Variants in UGT8 observed in about 807,000 individuals in gnomAD.
UGT8 encodes 2-hydroxyacylsphingosine 1-beta-galactosyltransferase.
In UGT8, 12 loss-of-function variants were observed where a neutral mutation model predicts 40.5. The ratio of observed to expected loss-of-function variants is 0.30; its 90% CI spans 0.19 to 0.48. The LOEUF (loss-of-function observed/expected upper bound fraction) is 0.48, where lower values mean the gene tolerates loss of function less well. Ranked by LOEUF, UGT8 falls within the 20% of genes least tolerant of loss-of-function variation. The probability of loss-of-function intolerance (pLI) is 0.99; values close to 1 mark genes in which losing one functional copy is unlikely to be tolerated. For missense variants in UGT8, 513 were observed against 648.7 expected, an observed-to-expected ratio of 0.79 and a Z score of 2.27; for synonymous variants, 224 against 240.4, an observed-to-expected ratio of 0.93 and a Z score of 0.63.
intron 2 of UGT8, among the ~76,000 whole-genome samples, chr4:114,632,987 G>C (rs1277843365): frequency 6.6e-6 from 1 of 152,120 alleles, no homozygotes; most frequent in African/African-American, 2.4e-5. Flanking sequence ...TAAATTCCTT[G>C]ACTACCATTT....
At position 114,650,484 on chromosome 4, in the gene UGT8, A is replaced by C. The variant is rs1305298165; in HGVS notation, c.823-13511A>C. Among the ~76,000 whole-genome samples, 3 of 152,176 alleles carry C rather than the reference A, an allele frequency of 2.0e-5. No individual in the cohort carries two copies. In the East Asian group the frequency reaches 5.8e-4, roughly 29 times the overall value. On this transcript the variant is annotated intron_variant, in intron 2 of 5. Coordinates refer to ENST00000310836, the MANE Select transcript of UGT8 (RefSeq NM_001128174.3). Reference sequence around the variant, plus strand: ...GGTGTGAGCTATTTTTTAAAGCCTCATATCTTTTGAAGCAGTCTATTACTG... The same window carrying C: ...GGTGTGAGCTATTTTTTAAAGCCTCCTATCTTTTGAAGCAGTCTATTACTG...
chr4:114,626,740 G>A (rs1407360032), intron 2 of UGT8, among the ~76,000 whole-genome samples: 1 of 152,102 alleles, frequency 6.6e-6, no homozygotes, highest in Non-Finnish European at 1.5e-5. Context: ...GTTTTTTCAA[G>A]GTGATTGCAT....
intron 2 of UGT8, among the ~76,000 whole-genome samples, chr4:114,659,087 C>T (rs1479806542): frequency 6.6e-6 from 1 of 152,148 alleles, no homozygotes; most frequent in Non-Finnish European, 1.5e-5. Flanking sequence ...TATATAATTA[C>T]TCTAGGATAA....
intron 1 of UGT8, among the ~76,000 whole-genome samples, chr4:114,601,484 G>A (rs1242903044): frequency 6.6e-6 from 1 of 151,798 alleles, no homozygotes. Context: ...GATTATTTAT[G>A]CAAGATATAG....
chr4:114,642,459 G>A (rs1165140645), intron 2 of UGT8, among the ~76,000 whole-genome samples: 7 of 152,044 alleles, frequency 4.6e-5, no homozygotes, highest in Non-Finnish European at 8.8e-5. Context: ...TTTTATTGAT[G>A]TGTTCTTCCA....
At chr4:114,666,488 A>G (rs552908067) in intron 4 of UGT8, among the ~76,000 whole-genome samples, 1 of 152,234 alleles carries the variant, frequency 6.6e-6, no homozygotes, top group South Asian at 2.1e-4. Flanking sequence ...TATTCTATAA[A>G]TGCTAAAACT....
chr4:114,616,655 G>A (rs1731457690), intron 1 of UGT8, among the ~76,000 whole-genome samples: 1 of 152,072 alleles, frequency 6.6e-6, no homozygotes, highest in South Asian at 2.1e-4. Context: ...CAGTACCTCA[G>A]TTGGAAATGC....
At chr4:114,661,359 A>G (rs1201804038) in intron 2 of UGT8, among the ~76,000 whole-genome samples, 1 of 152,118 alleles carries the variant, frequency 6.6e-6, no homozygotes, top group Non-Finnish European at 1.5e-5. Flanking sequence ...TTTGCTTTTT[A>G]TAACTGGGTC....
At position 114,604,754 on chromosome 4, in the gene UGT8, A is replaced by C. The variant is rs556280634; in HGVS notation, c.-3+5780A>C. On this transcript the variant is annotated intron_variant, in intron 1 of 5. Transcript: ENST00000310836. ...TAATAAATATTTGTTGTCCCAATAC[A>C]TGTTTGTTGAATAAAACAAAATTAG... is the stretch of plus-strand genomic sequence containing the variant. Among the ~76,000 whole-genome samples the C allele has an allele frequency of 3.9e-5, 6 of 152,248 alleles. No homozygotes were observed. In the South Asian group the frequency reaches 1.2e-3, roughly 32 times the overall value.
intron 2 of UGT8, among the ~76,000 whole-genome samples, chr4:114,640,456 T>A (rs1733153860): frequency 8.2e-6 from 1 of 122,298 alleles, no homozygotes; most frequent in African/African-American, 2.5e-5. Context: ...AAATAAGAGA[T>A]TTTTTTAAGT....
chr4:114,647,171 CAGT>C (rs1227554317), intron 2 of UGT8, among the ~76,000 whole-genome samples: 1 of 152,000 alleles, frequency 6.6e-6, no homozygotes, highest in African/African-American at 2.4e-5. Context: ...AAGTAGTCTC[CAGT>C]AGTATTGCCT....
chr4:114,602,711 G>GAT (rs202125548), intron 1 of UGT8, among the ~76,000 whole-genome samples: 1,978 of 152,262 alleles, frequency 0.013, 32 homozygotes, highest in African/African-American at 0.035. Flanking sequence ...CCGTGATAGA[G>GAT]ATACACACAC....
chr4:114,609,377 T>G (rs1321274008), intron 1 of UGT8, among the ~76,000 whole-genome samples: 2 of 152,258 alleles, frequency 1.3e-5, no homozygotes, highest in Non-Finnish European at 2.9e-5. Flanking sequence ...AAATAATTCT[T>G]GAAGGCATTT....
chr4:114,676,394 A>G lies in UGT8; in HGVS notation c.*106A>G. ...AGTAAAACATCAGTAAACAATTCTA[A>G]CATGCCCTTATGAGATCTACTAATG... is the stretch of plus-strand genomic sequence containing the variant. On this transcript the variant is annotated 3_prime_UTR_variant, in exon 6 of 6. Coordinates refer to ENST00000310836, the MANE Select transcript of UGT8 (RefSeq NM_001128174.3). 2.0e-6 allele frequency: 2 copies of G among 975,698 alleles called. No homozygotes were observed. Among genetic ancestry groups the G allele is most frequent in the South Asian group, 1.7e-5 (1 of 57,474 alleles). 60.4% of individuals were successfully genotyped at this position (975,698 alleles called of 1,614,324 possible). A position where few individuals can be genotyped will look rare whatever the true frequency, so the allele number is the denominator to read the frequency against.
At chr4:114,615,738 C>T (rs1171072101) in intron 1 of UGT8, among the ~76,000 whole-genome samples, 1 of 152,158 alleles carries the variant, frequency 6.6e-6, no homozygotes, top group Admixed American at 6.5e-5. Context: ...TTAGAAATTG[C>T]ACATAGCAAT....
rs186867571 is a variant in UGT8 at position 114,636,730 on chromosome 4, G to A, written c.822+13028G>A. 6.0e-5 allele frequency among the ~76,000 whole-genome samples: 9 copies of A among 151,116 alleles called. No homozygotes were observed. In the East Asian group the frequency reaches 1.2e-3, roughly 20 times the overall value. Reference sequence around the variant, plus strand: ...CCCTCTCCCTTCCCCCAAACTTCCCGCTGCCTTCTCCACTCTGCTTTGTTT... The same window carrying A: ...CCCTCTCCCTTCCCCCAAACTTCCCACTGCCTTCTCCACTCTGCTTTGTTT... On this transcript the variant is annotated intron_variant, in intron 2 of 5. Coordinates refer to ENST00000310836, the MANE Select transcript of UGT8 (RefSeq NM_001128174.3).
At position 114,678,072 on chromosome 4, in the gene UGT8, G is replaced by A. The variant is rs1489301021; in HGVS notation, c.*1784G>A. The A allele has an allele frequency of 6.6e-6, 1 of 152,096 alleles. No homozygotes were observed. Among genetic ancestry groups the A allele is most frequent in the African/African-American group, 2.4e-5 (1 of 41,414 alleles). 9.4% of individuals were successfully genotyped at this position (152,096 alleles called of 1,614,324 possible). On this transcript the variant is annotated 3_prime_UTR_variant, in exon 6 of 6. Coordinates refer to ENST00000310836, the MANE Select transcript of UGT8 (RefSeq NM_001128174.3). ...GGGAAAAAAGACACAGGCAATGAAT[G>A]GTGGGATAGTAAGAGGACTTAGAGT...
rs375174143 is a variant in UGT8, at chr4:114,622,872, A to G, written c.-2-7A>G. The stretch of plus-strand genomic sequence containing the variant: ...TGTTTTAAGTTGTTTTCTGGTTGTT[A>G]TTACAGCTATGAAGTCTTACACTCC... On this transcript the variant is annotated splice_region_variant and splice_polypyrimidine_tract_variant and intron_variant, in intron 1 of 5. Transcript: ENST00000310836. 3.6e-5 allele frequency: 58 copies of G among 1,591,718 alleles called. No homozygotes were observed. Among genetic ancestry groups the G allele is most frequent in the Non-Finnish European group, 4.7e-5 (55 of 1,167,104 alleles).
intron 2 of UGT8, among the ~76,000 whole-genome samples, chr4:114,628,110 A>C (rs931548395): frequency 2.6e-5 from 4 of 152,072 alleles, no homozygotes; most frequent in African/African-American, 7.2e-5. Context: ...TAAGCAACCC[A>C]AAAATCCATG....
Sources: gnomAD v4.1 joint callset for allele counts (sites outside exome capture counted in the v4.1 genomes callset) on GRCh38, gnomAD v4.1.1 for gene constraint, MANE v1.5 for transcripts, NCBI Gene and HGNC (gene_info 2026-07-23, HGNC 2026-07-21) for gene names.